Variants in CNTN4 observed in about 807,000 individuals in gnomAD.
CNTN4 encodes the protein contactin 4, also known as contactin-4.
CNTN4 carries 77 observed loss-of-function variants against 122.5 expected under a neutral mutation model. The ratio of observed to expected loss-of-function variants is 0.63; its 90% CI spans 0.52 to 0.76. The LOEUF is 0.76. Ranked by LOEUF, CNTN4 falls within the 30% of genes least tolerant of loss-of-function variation. CNTN4 has a pLI of 0.00. For synonymous variants in CNTN4, 512 were observed against 447.0 expected, an observed-to-expected ratio of 1.15 and a Z score of -1.83; for missense variants, 1,256 against 1,259.1, an observed-to-expected ratio of 1.00 and a Z score of 0.04.
At chr3:2,311,858 T>C (rs927399042) in intron 2 of CNTN4, among the ~76,000 whole-genome samples, 3 of 152,164 alleles carry the variant, frequency 2.0e-5, no homozygotes, top group African/African-American at 7.2e-5. Flanking sequence ...TAAAACTCTT[T>C]GTCCTTCATT....
At chr3:2,465,599 C>G (rs1212193171) in intron 3 of CNTN4, among the ~76,000 whole-genome samples, 2 of 152,092 alleles carry the variant, frequency 1.3e-5, no homozygotes, top group East Asian at 1.9e-4. Flanking sequence ...ATTGCTTGAA[C>G]CCGGGAGGCA....
At chr3:2,116,226 T>A (rs781086526) in intron 2 of CNTN4, among the ~76,000 whole-genome samples, 2 of 152,166 alleles carry the variant, frequency 1.3e-5, no homozygotes, top group Non-Finnish European at 2.9e-5. Context: ...TCCTCCATAA[T>A]TAACGTGAGG....
intron 3 of CNTN4, among the ~76,000 whole-genome samples, chr3:2,340,756 A>G (rs1329722681): frequency 2.5e-5 from 2 of 81,596 alleles, no homozygotes; most frequent in Admixed American, 2.6e-4. Context: ...AATTTATTTC[A>G]CTTGATTCTT....
intron 4 of CNTN4, among the ~76,000 whole-genome samples, chr3:2,607,784 C>G (rs943136487): frequency 3.3e-5 from 5 of 151,900 alleles, no homozygotes; most frequent in African/African-American, 1.2e-4. Flanking sequence ...TGTTTTTAAC[C>G]AATCTGTACA....
chr3:2,521,343 T>TCGGCCCCCCCCCCCCCCCCCCCCC (rs781282977), intron 3 of CNTN4, among the ~76,000 whole-genome samples: 5 of 128,300 alleles, frequency 3.9e-5, no homozygotes, highest in East Asian at 2.3e-4. Flanking sequence ...CCTCTACCCA[T>TCGGCCCCCCCCCCCCCCCCCCCCC]CCCCCCCACC....
At chr3:2,973,978 G>T (rs542092819) in intron 13 of CNTN4, among the ~76,000 whole-genome samples, 1 of 152,156 alleles carries the variant, frequency 6.6e-6, no homozygotes, top group Non-Finnish European at 1.5e-5. Context: ...AGATCATCTT[G>T]GATGGTACAC....
chr3:2,921,524 C>T (rs965545890), intron 12 of CNTN4, among the ~76,000 whole-genome samples: 4 of 152,156 alleles, frequency 2.6e-5, no homozygotes, highest in African/African-American at 9.7e-5. Context: ...TTACTCTAAG[C>T]TTGTTTTTAG....
chr3:2,817,920 A>C (rs988892536), intron 6 of CNTN4, among the ~76,000 whole-genome samples: 1 of 152,240 alleles, frequency 6.6e-6, no homozygotes, highest in Non-Finnish European at 1.5e-5. Flanking sequence ...GACAAGAAAA[A>C]TACCATGTTC....
At position 2,889,101 on chromosome 3, in the gene CNTN4, G is replaced by A. The variant is rs545438897; in HGVS notation, c.940+1877G>A. ...AAGCTATGGCCAAAGAATTCTGATC[G>A]ATAATCACGTAACATTTTTTAAATC... On this transcript the variant is annotated intron_variant, in intron 10 of 24. Transcript: ENST00000418658. 3.3e-5 allele frequency among the ~76,000 whole-genome samples: 5 copies of A among 152,274 alleles called. No homozygotes were observed. In the South Asian group the frequency reaches 6.2e-4, roughly 19 times the overall value.
chr3:2,421,279 G>A (rs1255156217), intron 3 of CNTN4, among the ~76,000 whole-genome samples: 1 of 147,644 alleles, frequency 6.8e-6, no homozygotes, highest in African/African-American at 2.5e-5. Flanking sequence ...TTGACTAGGA[G>A]TCTGGCTCTG....
chr3:2,308,163 C>G (rs987910622), intron 2 of CNTN4, among the ~76,000 whole-genome samples: 29 of 151,978 alleles, frequency 1.9e-4, no homozygotes, highest in African/African-American at 6.3e-4. Context: ...CTATTTTTGT[C>G]TAAATTATCT....
chr3:2,283,154 T>C (rs2041780551), intron 2 of CNTN4, among the ~76,000 whole-genome samples: 1 of 152,146 alleles, frequency 6.6e-6, no homozygotes, highest in Non-Finnish European at 1.5e-5. Context: ...ACGTGAATTT[T>C]ATCTCTAAAA....
intron 6 of CNTN4, among the ~76,000 whole-genome samples, chr3:2,813,030 A>G (rs1297645481): frequency 6.6e-6 from 1 of 152,174 alleles, no homozygotes; most frequent in African/African-American, 2.4e-5. Flanking sequence ...TTTGAAACTC[A>G]GGTTTTGTAA....
intron 2 of CNTN4, among the ~76,000 whole-genome samples, chr3:2,258,704 G>A (rs374074232): frequency 2.4e-4 from 37 of 151,970 alleles, no homozygotes; most frequent in African/African-American, 8.7e-4. Flanking sequence ...ATTTATTTCT[G>A]GGAACTCTAA....
At chr3:2,335,562 G>A (rs562652625) in intron 2 of CNTN4, among the ~76,000 whole-genome samples, 9 of 144,722 alleles carry the variant, frequency 6.2e-5, no homozygotes, top group Admixed American at 1.5e-4. Context: ...GCACAAAAGC[G>A]GCCCAGAAAA....
intron 4 of CNTN4, among the ~76,000 whole-genome samples, chr3:2,725,962 G>T (rs1011160197): frequency 3.9e-5 from 6 of 152,160 alleles, no homozygotes; most frequent in African/African-American, 1.4e-4. Flanking sequence ...GATAACAACT[G>T]CAACTCAGAT....
At chr3:2,399,973 T>A (rs1471619847) in intron 3 of CNTN4, among the ~76,000 whole-genome samples, 1 of 152,088 alleles carries the variant, frequency 6.6e-6, no homozygotes, top group Non-Finnish European at 1.5e-5. Flanking sequence ...TATGAAATAA[T>A]TCAGGAAGAA....
chr3:2,209,385 T>G (rs1384214618), intron 2 of CNTN4, among the ~76,000 whole-genome samples: 1 of 152,206 alleles, frequency 6.6e-6, no homozygotes, highest in African/African-American at 2.4e-5. Flanking sequence ...TCAAGTTGGC[T>G]GATCAAGTAG....
intron 4 of CNTN4, among the ~76,000 whole-genome samples, chr3:2,711,295 GCACATAGTGAGTTCCAGC>G (rs2149339167): frequency 6.6e-6 from 1 of 152,316 alleles, no homozygotes; most frequent in South Asian, 2.1e-4. Context: ...CACACAGTCA[GCACATAGTGAGTTCCAGC>G]CAGTTTCTGC....
Sources: allele counts gnomAD v4.1 joint callset (sites outside exome capture counted in the v4.1 genomes callset), GRCh38; gene constraint gnomAD v4.1.1; transcripts MANE v1.5; gene names NCBI Gene and HGNC (gene_info 2026-07-23, HGNC 2026-07-21).